The following NEDD4L variants were observed in gnomAD, a reference collection of about 807,000 sequenced individuals.
NEDD4L encodes NEDD4 like E3 ubiquitin protein ligase, also known as E3 ubiquitin-protein ligase NEDD4-like.
Under a neutral mutation model 148.9 loss-of-function variants are expected in NEDD4L, and 54 were observed. The ratio of observed to expected loss-of-function variants is 0.36; its 90% confidence interval spans 0.29 to 0.45. NEDD4L has a LOEUF of 0.45. NEDD4L is among the 20% of genes least tolerant of loss of function. The probability of loss-of-function intolerance (pLI) is 1.00; values close to 1 mark genes in which losing one functional copy is unlikely to be tolerated. For missense variants in NEDD4L, 856 were observed against 1,233.8 expected (o/e 0.69, Z 4.59); for synonymous variants, 433 against 440.7 (o/e 0.98, Z 0.22).
Position 58,074,526 on chromosome 18 carries a change from GC to G in NEDD4L, c.48+29820del, listed in dbSNP as rs1411432657. Among the ~76,000 whole-genome samples the G allele has an allele frequency of 3.3e-5, 5 of 149,788 alleles. No homozygotes were observed. The East Asian group carries it at 9.8e-4, about 29-fold the overall frequency. On this transcript the variant is annotated intron_variant, in intron 1 of 30. Transcript: ENST00000400345. ...CTGACCTTGTGATCCGCTCACCTCG[GC>G]CTCCCAAAGTGCTGGGATTACAGGC...
chr18:58,239,008 A>C (rs1033589469), intron 2 of NEDD4L, among the ~76,000 whole-genome samples: 5 of 152,238 alleles, frequency 3.3e-5, no homozygotes, highest in African/African-American at 7.2e-5. Flanking sequence ...TTGAGGATAG[A>C]AATTATTATG....
At chr18:58,238,526 C>T (rs1460991850) in intron 2 of NEDD4L, among the ~76,000 whole-genome samples, 1 of 152,074 alleles carries the variant, frequency 6.6e-6, no homozygotes, top group Admixed American at 6.5e-5. Flanking sequence ...AACATTTTAG[C>T]CTAACATGAT....
chr18:58,243,238 C>T (rs578148709), intron 2 of NEDD4L, among the ~76,000 whole-genome samples: 2 of 152,302 alleles, frequency 1.3e-5, no homozygotes, highest in African/African-American at 2.4e-5. Flanking sequence ...TTCTTTATAA[C>T]TGTGGATTCT....
chr18:58,367,329 A>G (rs1256010599), intron 21 of NEDD4L: 1 of 165,794 alleles, frequency 6.0e-6, no homozygotes, highest in Admixed American at 5.9e-5. Flanking sequence ...GCCCATAGCA[A>G]ACATCTTATG....
At chr18:58,322,265 T>C (rs1351215548) in intron 6 of NEDD4L, among the ~76,000 whole-genome samples, 160 bp from the exon 7 acceptor site, 3 of 152,198 alleles carry the variant, frequency 2.0e-5, no homozygotes, top group Admixed American at 6.5e-5. Flanking sequence ...GGATCTCTAG[T>C]AGATCAGTTC....
intron 5 of NEDD4L, among the ~76,000 whole-genome samples, chr18:58,301,166 TA>T (rs1163056861): frequency 1.3e-5 from 2 of 152,166 alleles, no homozygotes; most frequent in African/African-American, 4.8e-5. Flanking sequence ...ATTAAATCAA[TA>T]AAAGAATGAC....
chr18:58,261,644 T>C (rs1299731375), intron 5 of NEDD4L, among the ~76,000 whole-genome samples: 1 of 152,222 alleles, frequency 6.6e-6, no homozygotes, highest in Admixed American at 6.5e-5. Context: ...ATAAATTTAC[T>C]TTATGTAAAA....
intron 2 of NEDD4L, among the ~76,000 whole-genome samples, chr18:58,211,324 CAG>C (rs899966369): frequency 2.6e-5 from 4 of 152,068 alleles, no homozygotes; most frequent in Non-Finnish European, 5.9e-5. Context: ...CTAAAATCAA[CAG>C]AAACAATTGT....
At chr18:58,146,014 G>A (rs1380490049) in intron 1 of NEDD4L, among the ~76,000 whole-genome samples, 1 of 152,092 alleles carries the variant, frequency 6.6e-6, no homozygotes. Flanking sequence ...TCACCTGGAT[G>A]CATTTTCTCA....
intron 9 of NEDD4L, among the ~76,000 whole-genome samples, chr18:58,327,075 A>G (rs1275203606): frequency 1.3e-5 from 2 of 152,172 alleles, no homozygotes; most frequent in African/African-American, 4.8e-5. Flanking sequence ...CTGGCTCTTC[A>G]CTAGTCTAGA....
intron 18 of NEDD4L, among the ~76,000 whole-genome samples, chr18:58,356,056 G>T (rs111723037): frequency 3.3e-5 from 5 of 151,930 alleles, no homozygotes; most frequent in Non-Finnish European, 5.9e-5. Context: ...GGGCTCAAGC[G>T]ATCTTCCCAC....
Position 58,322,506 on chromosome 18 carries a change from GTGGGTGGGGA to G in NEDD4L, c.410+23_410+32del. The G allele has an allele frequency of 7.3e-7, 1 of 1,367,838 alleles. No individual in the cohort carries two copies. 84.7% of individuals were successfully genotyped at this position (1,367,838 alleles called of 1,614,324 possible). On this transcript the variant is annotated intron_variant, in intron 7 of 30. Transcript: ENST00000400345. ...AAGAAGGTGAGGCTTGTGGGTATGG[GTGGGTGGGGA>G]TGCCTGCCCTGCATGCTGTAGGTAT...
At chr18:58,293,758 G>A (rs887043161) in intron 5 of NEDD4L, among the ~76,000 whole-genome samples, 1 of 152,050 alleles carries the variant, frequency 6.6e-6, no homozygotes, top group Non-Finnish European at 1.5e-5. Context: ...TTGAGGTAAG[G>A]TCTTGCTCAG....
intron 1 of NEDD4L, among the ~76,000 whole-genome samples, chr18:58,160,233 C>T (rs560048443): frequency 1.6e-4 from 24 of 152,316 alleles, no homozygotes; most frequent in African/African-American, 5.8e-4. Flanking sequence ...AGTAGGGCTG[C>T]TGGATTTCCA....
At position 58,077,143 on chromosome 18, in the gene NEDD4L, A is replaced by G. The variant is rs561671160; in HGVS notation, c.48+32435A>G. Among the ~76,000 whole-genome samples the G allele has an allele frequency of 1.5e-4, 19 of 129,846 alleles. No homozygotes were observed. In the East Asian group the frequency reaches 4.3e-3, roughly 29 times the overall value. 85.2% of individuals were successfully genotyped at this position (129,846 alleles called of 152,430 possible). ...TGGGATTACAGGCGTGAGCCACCAT[A>G]CCCAGCCTCATAACGGCTTTTTTTT... On this transcript the variant is annotated intron_variant, in intron 1 of 30. Coordinates refer to ENST00000400345, the MANE Select transcript of NEDD4L (RefSeq NM_001144967.3).
intron 3 of NEDD4L, among the ~76,000 whole-genome samples, chr18:58,247,963 G>A (rs970294610): frequency 6.6e-6 from 1 of 152,174 alleles, no homozygotes; most frequent in African/African-American, 2.4e-5. Flanking sequence ...TGTTGTGTGA[G>A]CTCTGTGTTT....
At chr18:58,327,725 A>T (rs2059428157) in intron 9 of NEDD4L, among the ~76,000 whole-genome samples, 3 of 152,186 alleles carry the variant, frequency 2.0e-5, no homozygotes, top group Admixed American at 6.5e-5. Context: ...AGTGTTCTTG[A>T]TAAGTACTAT....
At chr18:58,285,423 G>C (rs1380630365) in intron 5 of NEDD4L, among the ~76,000 whole-genome samples, 1 of 152,034 alleles carries the variant, frequency 6.6e-6, no homozygotes, top group African/African-American at 2.4e-5. Flanking sequence ...CCACCTCCCA[G>C]GTTCAAGCAA....
intron 5 of NEDD4L, among the ~76,000 whole-genome samples, chr18:58,284,041 C>T (rs924945605): frequency 2.7e-4 from 41 of 152,248 alleles, no homozygotes; most frequent in African/African-American, 9.1e-4. Flanking sequence ...GCAGGGGAGA[C>T]CATGGAATCT....
Sources: gnomAD v4.1 joint callset for allele counts (sites outside exome capture counted in the v4.1 genomes callset) on GRCh38, gnomAD v4.1.1 for gene constraint, MANE v1.5 for transcripts, NCBI Gene and HGNC (gene_info 2026-07-23, HGNC 2026-07-21) for gene names.